Variants in SMARCC1 observed in about 807,000 individuals in gnomAD.
SMARCC1 encodes the protein SWI/SNF related BAF chromatin remodeling complex subunit C1.
A neutral mutation model predicts 147.4 loss-of-function variants in SMARCC1; 43 were observed. The observed-to-expected ratio is 0.29, with a 90% confidence interval of 0.23 to 0.38. SMARCC1 has a LOEUF of 0.38. Ranked by LOEUF, SMARCC1 falls within the 10% of genes least tolerant of loss-of-function variation. The pLI is 1.00. For missense variants in SMARCC1, 1,119 were observed against 1,381.1 expected, an observed-to-expected ratio of 0.81 and a Z score of 3.01; for synonymous variants, 495 against 484.4, an observed-to-expected ratio of 1.02 and a Z score of -0.29.
At chr3:47,669,106 T>C (rs906500136) in intron 19 of SMARCC1, among the ~76,000 whole-genome samples, 2 of 152,228 alleles carry the variant, frequency 1.3e-5, no homozygotes, top group East Asian at 1.9e-4. Flanking sequence ...TTATTTCTCT[T>C]TGTGTTATTG....
rs947368631 is a variant in SMARCC1, at chr3:47,698,030, A to G, written c.1165+3248T>C. Among the ~76,000 whole-genome samples the G allele has an allele frequency of 2.7e-5, 4 of 149,640 alleles. No homozygotes were observed. In the Admixed American group the frequency reaches 2.7e-4, roughly 10 times the overall value. ...CAAAAAAAAAAAAAAAAAAAAAAAA[A>G]AAAGATAAATATCCTCCACAAATAC... On this transcript the variant is annotated intron_variant, in intron 11 of 27. Coordinates refer to ENST00000254480, the MANE Select transcript of SMARCC1 (RefSeq NM_003074.4).
intron 15 of SMARCC1, among the ~76,000 whole-genome samples, chr3:47,680,046 T>C (rs1317806662): frequency 6.6e-6 from 1 of 151,872 alleles, no homozygotes; most frequent in Non-Finnish European, 1.5e-5. Flanking sequence ...CACCAAAAAA[T>C]AAACAGATAG....
In SMARCC1 at chr3:47,606,100, T is replaced by TA. The variant is rs57110413; in HGVS notation, c.3043+3965dup. 1.9e-3 allele frequency among the ~76,000 whole-genome samples: 287 copies of TA among 148,786 alleles called. No individual in the cohort carries two copies. The East Asian group carries it at 0.026, about 13-fold the overall frequency. On this transcript the variant is annotated intron_variant, in intron 26 of 27. Transcript: ENST00000254480. ...AGACTATCTTGTCATAGACTAAAAA[T>TA]AAAAAAAAAACCTCTCATCATGCAC...
chr3:47,683,209 A>AT (rs1238446757), intron 14 of SMARCC1, among the ~76,000 whole-genome samples: 17 of 148,872 alleles, frequency 1.1e-4, no homozygotes, highest in Admixed American at 8.0e-4. Context: ...CGCCCGGCTC[A>AT]TTTTTTTTTC....
At chr3:47,637,306 T>G (rs1413830252) in intron 22 of SMARCC1, among the ~76,000 whole-genome samples, 1 of 152,200 alleles carries the variant, frequency 6.6e-6, no homozygotes, top group African/African-American at 2.4e-5. Flanking sequence ...TCCCCTTAAC[T>G]ATATACAATT....
At chr3:47,588,703 G>GCCC (rs544157096) in intron 27 of SMARCC1, among the ~76,000 whole-genome samples, 127 of 48,426 alleles carry the variant, frequency 2.6e-3, no homozygotes, top group African/African-American at 0.01. Context: ...TTTTCTTCCC[G>GCCC]CCCCCCCCCC....
intron 19 of SMARCC1, chr3:47,663,588 A>G: frequency 2.8e-6 from 4 of 1,449,364 alleles, no homozygotes; most frequent in Non-Finnish European, 3.8e-6. Flanking sequence ...TTAGGTCGCG[A>G]TTTTCTCCTG....
intron 19 of SMARCC1, among the ~76,000 whole-genome samples, chr3:47,664,451 TA>T (rs2033397387): frequency 6.6e-6 from 1 of 152,174 alleles, no homozygotes; most frequent in African/African-American, 2.4e-5. Flanking sequence ...AAACTGATTC[TA>T]AAATTTATAA....
At chr3:47,601,032 A>AGAGAGAGAGAGG (rs2032375593) in intron 26 of SMARCC1, among the ~76,000 whole-genome samples, 1 of 150,114 alleles carries the variant, frequency 6.7e-6, no homozygotes, top group African/African-American at 2.4e-5. Flanking sequence ...AGAGAGAGAG[A>AGAGAGAGAGAGG]GAGAGAGAGA....
intron 8 of SMARCC1, 52 bp from the exon 9 acceptor site, chr3:47,710,860 G>C (rs771525836): frequency 1.0e-5 from 15 of 1,488,170 alleles, no homozygotes; most frequent in Non-Finnish European, 1.4e-5. Flanking sequence ...AATCACTCAA[G>C]GTTTTACAGT....
At position 47,705,343 on chromosome 3, in the gene SMARCC1, AC is replaced by A. The variant is rs869214144; in HGVS notation, c.1040+1065del. 3.7e-4 allele frequency among the ~76,000 whole-genome samples: 45 copies of A among 123,046 alleles called. 2 individuals carry two copies. Among genetic ancestry groups the A allele is most frequent in the African/African-American group, 1.2e-3 (42 of 35,934 alleles). The allele number at this position is 123,046 out of a possible 152,430, so 80.7% of individuals were successfully genotyped here. ...CGTCTCAAAAAAAAAAAAAAAAAAA[AC>A]GAACTATAAAAAATAGTTACCCCAT... is the stretch of plus-strand genomic sequence containing the variant. On this transcript the variant is annotated intron_variant, in intron 10 of 27. Coordinates refer to ENST00000254480, the MANE Select transcript of SMARCC1 (RefSeq NM_003074.4).
intron 7 of SMARCC1, among the ~76,000 whole-genome samples, chr3:47,719,206 G>A (rs182192724): frequency 6.6e-5 from 10 of 152,054 alleles, no homozygotes; most frequent in Admixed American, 6.6e-4. Flanking sequence ...GAGCCACCAC[G>A]CCCGGCCCCA....
In SMARCC1 at chr3:47,722,293, A is replaced by ATTTTTTT. The variant is rs34260316; in HGVS notation, c.647-1565_647-1559dup. 1.0e-4 allele frequency among the ~76,000 whole-genome samples: 11 copies of ATTTTTTT among 107,062 alleles called. 2 individuals carry two copies. The highest frequency in any genetic ancestry group is 3.4e-4 in the Admixed American group (3 of 8,716). The allele number at this position is 107,062 out of a possible 152,430, so 70.2% of individuals were successfully genotyped here. A position where few individuals can be genotyped will look rare whatever the true frequency, so the allele number is the denominator to read the frequency against. On this transcript the variant is annotated intron_variant, in intron 6 of 27. Coordinates refer to ENST00000254480, the MANE Select transcript of SMARCC1 (RefSeq NM_003074.4). ...CAGCTGACTTTTGATACAAATTTTG[A>ATTTTTTT]TTTTTTTTTTTTTTTTTTTTTGAGA...
chr3:47,673,235 A>T (rs1037936115), intron 18 of SMARCC1, among the ~76,000 whole-genome samples: 5 of 150,728 alleles, frequency 3.3e-5, no homozygotes, highest in Admixed American at 2.0e-4. Flanking sequence ...AAATAAAAAT[A>T]AAAAAAAAGC....
At chr3:47,689,344 C>G in intron 13 of SMARCC1, 43 bp downstream of exon 13, 2 of 1,521,340 alleles carry the variant, frequency 1.3e-6, no homozygotes, top group African/African-American at 1.4e-5. Context: ...TACACAGGAC[C>G]CTTAGAGAAG....
intron 2 of SMARCC1, among the ~76,000 whole-genome samples, chr3:47,749,953 G>A (rs1395977346): frequency 6.6e-6 from 1 of 150,958 alleles, no homozygotes; most frequent in Non-Finnish European, 1.5e-5. Context: ...GTGGTGGCAG[G>A]CGCCTGTAGT....
intron 24 of SMARCC1, 134 bp from the exon 25 acceptor site, chr3:47,622,475 A>G: frequency 2.5e-6 from 2 of 803,742 alleles, no homozygotes; most frequent in South Asian, 1.7e-5. Context: ...GTAACGTACA[A>G]TCTAAAATAA....
At chr3:47,745,493 G>C (rs1483497969) in intron 3 of SMARCC1, among the ~76,000 whole-genome samples, 1 of 152,022 alleles carries the variant, frequency 6.6e-6, no homozygotes, top group East Asian at 1.9e-4. Flanking sequence ...TGGGTGGAGT[G>C]CTTGAGGCCA....
intron 2 of SMARCC1, among the ~76,000 whole-genome samples, chr3:47,761,162 C>A (rs1275341770): frequency 6.6e-6 from 1 of 151,752 alleles, no homozygotes; most frequent in African/African-American, 2.4e-5. Flanking sequence ...AAAAGCCAGG[C>A]GTGGTGGAAT....
Sources: gnomAD v4.1 joint callset for allele counts (sites outside exome capture counted in the v4.1 genomes callset) on GRCh38, gnomAD v4.1.1 for gene constraint, MANE v1.5 for transcripts, NCBI Gene and HGNC (gene_info 2026-07-23, HGNC 2026-07-21) for gene names.